Variants in OPCML observed in about 807,000 individuals in gnomAD.
OPCML encodes opioid-binding protein/cell adhesion molecule.
A neutral mutation model predicts 37.8 loss-of-function variants in OPCML; 13 were observed. That is an observed-to-expected ratio of 0.34 (90% CI 0.22 to 0.55). The LOEUF is 0.55. Ranked by LOEUF, OPCML falls within the 20% of genes least tolerant of loss-of-function variation. The pLI, the probability that OPCML is intolerant of heterozygous loss-of-function variation, is 0.91. For synonymous variants in OPCML, 176 were observed against 168.8 expected (o/e 1.04, Z -0.33); for missense variants, 341 against 435.6 (o/e 0.78, Z 1.93).
chr11:132,782,927 A>G (rs954756218), intron 2 of OPCML, among the ~76,000 whole-genome samples: 3 of 146,128 alleles, frequency 2.1e-5, no homozygotes, highest in African/African-American at 7.4e-5. Context: ...GTATATATAT[A>G]TATATATATA....
rs184841494 is a variant in OPCML, at chr11:132,833,421, T to G, written c.146+109505A>C. 2.0e-5 allele frequency among the ~76,000 whole-genome samples: 3 copies of G among 152,326 alleles called. No homozygotes were observed. The East Asian group carries it at 5.8e-4, about 29-fold the overall frequency. On this transcript the variant is annotated intron_variant, in intron 2 of 7. Transcript: ENST00000524381. ...TCAGGGGCAATAACACGCATGGAGCTGTCATCTCCGGTGCTAACAATGCCT... is the reference window on the plus strand; with the variant it reads ...TCAGGGGCAATAACACGCATGGAGCGGTCATCTCCGGTGCTAACAATGCCT...
intron 1 of OPCML, among the ~76,000 whole-genome samples, chr11:132,978,145 T>G (rs968269184): frequency 1.3e-5 from 2 of 152,130 alleles, no homozygotes; most frequent in Admixed American, 6.5e-5. Context: ...GACAGGGACA[T>G]CACCTTCACA....
At chr11:132,962,360 G>A (rs1264047181) in intron 1 of OPCML, among the ~76,000 whole-genome samples, 2 of 152,216 alleles carry the variant, frequency 1.3e-5, no homozygotes, top group Admixed American at 6.5e-5. Flanking sequence ...GACAGCATCT[G>A]CAGACCAAGA....
chr11:133,255,313 G>A (rs1346806341), intron 1 of OPCML, among the ~76,000 whole-genome samples: 2 of 152,076 alleles, frequency 1.3e-5, no homozygotes, highest in Admixed American at 6.6e-5. Context: ...GGAAGGTCAG[G>A]GCATGGCACA....
chr11:133,531,868 C>T (rs1948612439), intron 1 of OPCML, among the ~76,000 whole-genome samples: 1 of 152,058 alleles, frequency 6.6e-6, no homozygotes, highest in South Asian at 2.1e-4. Context: ...GAGGGTGCCC[C>T]TTCCACCCTG....
intron 1 of OPCML, among the ~76,000 whole-genome samples, chr11:132,954,813 G>A (rs1565365180): frequency 6.6e-6 from 1 of 152,048 alleles, no homozygotes; most frequent in African/African-American, 2.4e-5. Context: ...AAACACATGG[G>A]GTAAGATGAA....
rs564862619 is a variant in OPCML, at chr11:133,005,231, C to T, written c.62-62221G>A. On this transcript the variant is annotated intron_variant, in intron 1 of 7. Coordinates refer to ENST00000524381, the MANE Select transcript of OPCML (RefSeq NM_001012393.5). ...GCCAACCACAATTCCTGGGGAGAGACGATTTTAAAAGATTGATAGTGGAAA... is the reference window on the plus strand; with the variant it reads ...GCCAACCACAATTCCTGGGGAGAGATGATTTTAAAAGATTGATAGTGGAAA... The T allele has an allele frequency of 4.2e-4, 414 of 985,158 alleles. 1 individual carries two copies. Among genetic ancestry groups the T allele is most frequent in the Non-Finnish European group, 4.1e-4 (338 of 829,922 alleles). The allele number at this position is 985,158 out of a possible 1,614,324, so 61.0% of individuals were successfully genotyped here.
intron 1 of OPCML, among the ~76,000 whole-genome samples, chr11:133,188,567 T>C (rs1220319875): frequency 6.6e-6 from 1 of 152,124 alleles, no homozygotes; most frequent in Non-Finnish European, 1.5e-5. Flanking sequence ...AAGTGAACCA[T>C]GAGAAGAAAA....
At chr11:133,278,081 G>A (rs916663537) in intron 1 of OPCML, among the ~76,000 whole-genome samples, 13 of 152,166 alleles carry the variant, frequency 8.5e-5, no homozygotes, top group Admixed American at 3.3e-4. Flanking sequence ...GGGACACCTT[G>A]GTCTGGATAT....
chr11:132,765,640 A>T (rs1299887990), intron 2 of OPCML, among the ~76,000 whole-genome samples: 1 of 152,200 alleles, frequency 6.6e-6, no homozygotes, highest in African/African-American at 2.4e-5. Context: ...CAGAGTCCAA[A>T]TCTATAACAG....
intron 1 of OPCML, among the ~76,000 whole-genome samples, chr11:133,114,173 G>C (rs1234589836): frequency 6.6e-6 from 1 of 152,122 alleles, no homozygotes; most frequent in Non-Finnish European, 1.5e-5. Flanking sequence ...TCTGCCCAAA[G>C]CAACATCACT....
At chr11:132,472,284 T>A (rs923447500) in intron 4 of OPCML, among the ~76,000 whole-genome samples, 4 of 152,190 alleles carry the variant, frequency 2.6e-5, no homozygotes, top group African/African-American at 7.2e-5. Flanking sequence ...TGTCTCTGTA[T>A]CACCAGAGCC....
At chr11:133,039,059 G>A (rs768638068) in intron 1 of OPCML, among the ~76,000 whole-genome samples, 4 of 152,190 alleles carry the variant, frequency 2.6e-5, no homozygotes, top group Non-Finnish European at 5.9e-5. Flanking sequence ...GCTGGCTGGG[G>A]CTTGTTTTCT....
At chr11:132,474,876 GT>G (rs2136977732) in intron 4 of OPCML, among the ~76,000 whole-genome samples, 1 of 152,282 alleles carries the variant, frequency 6.6e-6, no homozygotes, top group East Asian at 1.9e-4. Flanking sequence ...CACCTCAACT[GT>G]GTGGCCACCT....
At chr11:133,128,758 C>G (rs192985575) in intron 1 of OPCML, among the ~76,000 whole-genome samples, 6 of 152,228 alleles carry the variant, frequency 3.9e-5, no homozygotes, top group Non-Finnish European at 5.9e-5. Context: ...ATCTTTACAA[C>G]GAGCTTTTCA....
chr11:132,864,033 G>A (rs1321817392), intron 2 of OPCML, among the ~76,000 whole-genome samples: 1 of 152,134 alleles, frequency 6.6e-6, no homozygotes, highest in Non-Finnish European at 1.5e-5. Flanking sequence ...CGCCTCCTGG[G>A]TTCAAGTGAT....
intron 1 of OPCML, among the ~76,000 whole-genome samples, chr11:133,447,539 A>G (rs1245993494): frequency 6.6e-6 from 1 of 151,980 alleles, no homozygotes; most frequent in East Asian, 1.9e-4. Flanking sequence ...TCCCCCAATG[A>G]CTTCCCATTG....
chr11:133,155,625 T>C (rs1298251056), intron 1 of OPCML, among the ~76,000 whole-genome samples: 2 of 152,218 alleles, frequency 1.3e-5, no homozygotes, highest in Non-Finnish European at 2.9e-5. Context: ...AGCAGGCTAC[T>C]ATATATAATC....
intron 1 of OPCML, among the ~76,000 whole-genome samples, chr11:133,189,805 T>C (rs1222117582): frequency 6.6e-6 from 1 of 152,210 alleles, no homozygotes; most frequent in Non-Finnish European, 1.5e-5. Context: ...ACCAGTTGTC[T>C]GAGTAATTGA....
Sources: gnomAD v4.1 joint callset for allele counts (sites outside exome capture counted in the v4.1 genomes callset) on GRCh38, gnomAD v4.1.1 for gene constraint, MANE v1.5 for transcripts, NCBI Gene and HGNC (gene_info 2026-07-23, HGNC 2026-07-21) for gene names.